NFATC2: variants seen among roughly 807,000 people sequenced by gnomAD.
The protein encoded by NFATC2 is nuclear factor of activated T cells 2.
A neutral mutation model predicts 87.3 loss-of-function variants in NFATC2; 22 were observed. The ratio of observed to expected loss-of-function variants is 0.25; its 90% CI spans 0.18 to 0.36. The LOEUF (loss-of-function observed/expected upper bound fraction) is 0.36, where lower values mean the gene tolerates loss of function less well. Among genes scored for constraint, NFATC2 ranks in the 10% least tolerant of loss-of-function variants. NFATC2 has a pLI of 1.00. For synonymous variants in NFATC2, 565 were observed against 542.2 expected, an observed-to-expected ratio of 1.04 and a Z score of -0.58; for missense variants, 1,149 against 1,259.1, an observed-to-expected ratio of 0.91 and a Z score of 1.32.
intron 1 of NFATC2, among the ~76,000 whole-genome samples, chr20:51,539,291 C>T (rs560195393): frequency 2.4e-4 from 36 of 152,270 alleles, no homozygotes; most frequent in African/African-American, 7.2e-4. Context: ...ACTTTACATG[C>T]GTCACCAATA....
Position 51,562,575 on chromosome 20 carries a change from C to T in NFATC2, c.55G>A (p.Gly19Arg). 1 of 1,551,238 alleles carries T rather than the reference C, an allele frequency of 6.4e-7. No homozygotes were observed. Among genetic ancestry groups the T allele is most frequent in the Admixed American group, 2.0e-5 (1 of 51,002 alleles). ...AGTCAGTTACCTTGGTCCACAGACC[C>T]CATGATGCGGAGGGGATGGCAGTGC... The change falls in exon 1 of 11, where the codon GGG (glycine) becomes AGG (arginine). Residue 19 changes from glycine (G) to arginine (R), a missense_variant. By Grantham distance (125) the Gly-to-Arg change is moderately radical. Coordinates refer to the NFATC2 transcript ENST00000414705. This position sits in a 1 kb window ranked among gnomAD's most constrained non-coding sequence, Gnocchi z 5.8.
intron 3 of NFATC2, among the ~76,000 whole-genome samples, chr20:51,483,171 C>T (rs1989410197): frequency 6.7e-6 from 1 of 148,718 alleles, no homozygotes; most frequent in African/African-American, 2.5e-5. Flanking sequence ...ACAAACACTG[C>T]AATAAGAACC....
chr20:51,476,676 G>A (rs1277630840), intron 3 of NFATC2, among the ~76,000 whole-genome samples: 1 of 152,162 alleles, frequency 6.6e-6, no homozygotes, highest in African/African-American at 2.4e-5. Flanking sequence ...CTAGCACCTA[G>A]AGTAACGCTT....
chr20:51,450,889 A>G (rs1444820236), intron 6 of NFATC2, among the ~76,000 whole-genome samples: 1 of 152,224 alleles, frequency 6.6e-6, no homozygotes, highest in Non-Finnish European at 1.5e-5. Context: ...TTCTTCTGAA[A>G]CCAAGAGAAT....
rs545872725 is a variant in NFATC2, at chr20:51,398,637, G to A, written c.*44+6C>T. ...AACAAAAGGAGAAGCAGAAGATATC[G>A]ATTACCTTTAACTTTGATTTCTCGG... On this transcript the variant is annotated splice_donor_region_variant and intron_variant, in intron 10 of 10. Coordinates refer to ENST00000371564, the MANE Select transcript of NFATC2 (RefSeq NM_012340.5). 6.3e-5 allele frequency: 100 copies of A among 1,582,334 alleles called. 1 individual carries two copies. Among genetic ancestry groups the A allele is most frequent in the South Asian group, 4.7e-4 (41 of 86,758 alleles).
At chr20:51,458,573 C>T (rs943041220) in intron 5 of NFATC2, among the ~76,000 whole-genome samples, 6 of 149,872 alleles carry the variant, frequency 4.0e-5, no homozygotes, top group Admixed American at 6.7e-5. Flanking sequence ...CTGAGGCAGG[C>T]GGATCACAAG....
chr20:51,458,262 G>A (rs1365370368), intron 5 of NFATC2, among the ~76,000 whole-genome samples: 3 of 151,900 alleles, frequency 2.0e-5, no homozygotes, highest in Non-Finnish European at 4.4e-5. Flanking sequence ...AGCAGGCAGG[G>A]GGTGTCCTGG....
chr20:51,392,896 C>G (rs1407753710), intron 10 of NFATC2, among the ~76,000 whole-genome samples: 9 of 152,244 alleles, frequency 5.9e-5, no homozygotes, highest in Admixed American at 4.6e-4. Flanking sequence ...GCTGAATGAA[C>G]CGGGTTTGAT....
At position 51,396,948 on chromosome 20, in the gene NFATC2, C is replaced by T. The variant is rs149438034; in HGVS notation, c.*44+1695G>A. On this transcript the variant is annotated intron_variant, in intron 10 of 10. Transcript: ENST00000371564. ...GTGCCTTTTTTTTTGAGTCTCCCTC[C>T]GTCACACAGGCTGGAGTGCAGTGGC... Among the ~76,000 whole-genome samples, 1,444 of 152,170 alleles carry T rather than the reference C, an allele frequency of 9.5e-3. 29 individuals carry two copies. The highest frequency in any genetic ancestry group is 0.034 in the African/African-American group (1,395 of 41,492).
chr20:51,529,520 C>T (rs750569429), intron 1 of NFATC2, among the ~76,000 whole-genome samples: 113 of 152,286 alleles, frequency 7.4e-4, no homozygotes, highest in Non-Finnish European at 1.1e-3. Flanking sequence ...GGCTGAGATT[C>T]GTCACTATTT....
intron 10 of NFATC2, among the ~76,000 whole-genome samples, chr20:51,393,636 G>C (rs559229322): frequency 3.9e-5 from 6 of 152,308 alleles, no homozygotes; most frequent in African/African-American, 1.4e-4. Context: ...CCCTGCAGGG[G>C]TGATAAGCTG....
In NFATC2 at chr20:51,523,369, G is replaced by C. The variant is rs754433414; in HGVS notation, c.872C>G (p.Pro291Arg). 2 of 1,610,920 alleles carry C rather than the reference G, an allele frequency of 1.2e-6. No homozygotes were observed. Among genetic ancestry groups the C allele is most frequent in the Admixed American group, 3.4e-5 (2 of 59,686 alleles). ...SHVAPQDHGS[P>R]AGYPPVAGSA... ...GCCAGCCACAGGGGGGTACCCAGCC[G>C]GGGAGCCGTGGTCCTGGGGTGCCAC... Residue 291 changes from proline to arginine, a missense_variant, in exon 2 of 11, where the codon CCG (proline) becomes CGG (arginine). By Grantham distance (103) the Pro-to-Arg change is moderately radical. Coordinates refer to ENST00000371564, the MANE Select transcript of NFATC2 (RefSeq NM_012340.5). This position sits in a 1 kb window ranked among gnomAD's most constrained non-coding sequence, Gnocchi z 6.9.
intron 9 of NFATC2, among the ~76,000 whole-genome samples, 158 bp downstream of exon 9, chr20:51,431,909 T>C (rs1181276267): frequency 6.6e-6 from 1 of 152,028 alleles, no homozygotes; most frequent in East Asian, 1.9e-4. Context: ...GAGCTAGGGG[T>C]GGCTTTCAGG....
At chr20:51,431,839 G>A (rs932666331) in intron 9 of NFATC2, among the ~76,000 whole-genome samples, 1 of 152,076 alleles carries the variant, frequency 6.6e-6, no homozygotes, top group South Asian at 2.1e-4. Context: ...CTGGAGGGGG[G>A]CATCTGAAAT....
At chr20:51,528,349 G>T (rs557943934) in intron 1 of NFATC2, among the ~76,000 whole-genome samples, 2 of 152,312 alleles carry the variant, frequency 1.3e-5, no homozygotes, top group East Asian at 3.9e-4. Context: ...AAAGCAAGCT[G>T]TATAGTGTGC....
chr20:51,473,903 A>G (rs976463402), intron 5 of NFATC2, 77 bp downstream of exon 5: 21 of 1,514,122 alleles, frequency 1.4e-5, no homozygotes, highest in Non-Finnish European at 1.9e-5. Context: ...TACCTCGCCC[A>G]GAATACACTG....
At chr20:51,399,737 C>T (rs77907759) in intron 9 of NFATC2, among the ~76,000 whole-genome samples, 2,046 of 152,310 alleles carry the variant, frequency 0.013, 18 homozygotes, top group South Asian at 0.041. Flanking sequence ...CAAACATTTC[C>T]AGGTGGATGT....
chr20:51,412,301 T>G (rs1406789646), intron 9 of NFATC2, among the ~76,000 whole-genome samples: 2 of 152,210 alleles, frequency 1.3e-5, no homozygotes, highest in Non-Finnish European at 2.9e-5. Flanking sequence ...GGAAGGGGTC[T>G]GCGACCAAAA....
At chr20:51,405,432 G>A (rs986926286) in intron 9 of NFATC2, among the ~76,000 whole-genome samples, 12 of 42,544 alleles carry the variant, frequency 2.8e-4, no homozygotes, top group Non-Finnish European at 3.4e-4. Context: ...GACCTCACAC[G>A]TGTCATCTCA....
Sources: allele counts gnomAD v4.1 joint callset (sites outside exome capture counted in the v4.1 genomes callset), GRCh38; gene constraint gnomAD v4.1.1; non-coding constraint Gnocchi (gnomAD v3.1); transcripts MANE v1.5; gene names NCBI Gene and HGNC (gene_info 2026-07-23, HGNC 2026-07-21).